Variants in CYFIP1 observed in about 807,000 individuals in gnomAD.
CYFIP1 encodes the protein cytoplasmic FMR1-interacting protein 1.
CYFIP1 carries 58 observed loss-of-function variants against 163.5 expected under a neutral mutation model. The observed-to-expected ratio is 0.35, with a 90% CI of 0.29 to 0.44. The LOEUF is 0.44. CYFIP1 is among the 20% of genes least tolerant of loss of function. The pLI, the probability that CYFIP1 is intolerant of heterozygous loss-of-function variation, is 1.00. For missense variants in CYFIP1, 1,338 were observed against 1,653.8 expected (o/e 0.81, Z 3.31); for synonymous variants, 663 against 660.7 (o/e 1.00, Z -0.05).
At chr15:22,927,791 T>G in intron 12 of CYFIP1, 115 bp downstream of exon 12, 1 of 1,034,088 alleles carries the variant, frequency 9.7e-7, no homozygotes, top group Non-Finnish European at 1.4e-6. Flanking sequence ...TATCTACTGA[T>G]AGATATTCTC....
intron 21 of CYFIP1, among the ~76,000 whole-genome samples, chr15:22,908,777 C>T (rs1595570323): frequency 6.6e-6 from 1 of 151,974 alleles, no homozygotes. Flanking sequence ...GATCCACCCC[C>T]GCAGGCCTCC....
At chr15:22,870,620 C>T (rs138539693) in intron 30 of CYFIP1, among the ~76,000 whole-genome samples, 192 of 152,256 alleles carry the variant, frequency 1.3e-3, no homozygotes, top group African/African-American at 4.4e-3. Context: ...AGCCACATAC[C>T]ATCTCTTTAA....
intron 1 of CYFIP1, among the ~76,000 whole-genome samples, chr15:22,972,352 G>A (rs1304710880): frequency 6.6e-6 from 1 of 152,082 alleles, no homozygotes; most frequent in African/African-American, 2.4e-5. Context: ...CAGGAGAATC[G>A]CTTGAACCCG....
intron 1 of CYFIP1, among the ~76,000 whole-genome samples, chr15:22,972,662 AAAT>A (rs1416598828): frequency 6.6e-6 from 1 of 152,146 alleles, no homozygotes; most frequent in East Asian, 1.9e-4. Flanking sequence ...ACATACAGAA[AAAT>A]AATATCAGAC....
intron 23 of CYFIP1, among the ~76,000 whole-genome samples, chr15:22,892,668 ACG>A (rs1434171246): frequency 2.0e-5 from 3 of 152,226 alleles, no homozygotes; most frequent in Admixed American, 6.5e-5. Context: ...AACACTACGT[ACG>A]CGCTAGTTCT....
chr15:22,944,612 G>A lies in CYFIP1; in HGVS notation c.333C>T (p.Thr111=), dbSNP rs756919870. The A allele has an allele frequency of 1.1e-5, 17 of 1,613,738 alleles. No individual in the cohort carries two copies. Among genetic ancestry groups the A allele is most frequent in the African/African-American group, 2.7e-5 (2 of 74,914 alleles). ...TGACCTCAGGCTCCAGAACCTCCAC[G>A]GTTTTCTCGTAGATTTCCACTCTGT... is the stretch of plus-strand genomic sequence containing the variant. ...QPNRVEIYEK[T]VEVLEPEVTK... is the part of the protein sequence containing the mutation. The change falls in exon 5 of 31, where the codon ACC becomes ACT. Residue 111 remains threonine (T), a synonymous_variant. Coordinates refer to ENST00000617928, the MANE Select transcript of CYFIP1 (RefSeq NM_014608.6).
At chr15:22,941,290 G>A (rs1168226077) in intron 6 of CYFIP1, among the ~76,000 whole-genome samples, 1 of 151,942 alleles carries the variant, frequency 6.6e-6, no homozygotes, top group Non-Finnish European at 1.5e-5. Context: ...TCAAATTCCT[G>A]GGCTCAAGTG....
chr15:22,947,591 C>T (rs945374494), intron 1 of CYFIP1, among the ~76,000 whole-genome samples: 1 of 152,100 alleles, frequency 6.6e-6, no homozygotes, highest in Non-Finnish European at 1.5e-5. Flanking sequence ...ACCATGGGGG[C>T]CGCCGTCCTG....
At chr15:22,893,048 T>A in intron 22 of CYFIP1, 71 bp from the exon 23 acceptor site, 1 of 1,106,270 alleles carries the variant, frequency 9.0e-7, no homozygotes, top group Non-Finnish European at 1.3e-6. Flanking sequence ...TCAGAAGTCC[T>A]CCATAATCCA....
chr15:22,873,830 T>A, intron 28 of CYFIP1, 101 bp from the exon 29 acceptor site: 1 of 1,096,184 alleles, frequency 9.1e-7, no homozygotes, highest in Non-Finnish European at 1.3e-6. Context: ...CTTGCTCTGC[T>A]GCCTAGGCTG....
At chr15:22,889,049 A>C (rs1392872584) in intron 23 of CYFIP1, among the ~76,000 whole-genome samples, 7 of 152,054 alleles carry the variant, frequency 4.6e-5, no homozygotes, top group South Asian at 2.1e-4. Context: ...AAAAAAAAAA[A>C]ACACACAAAA....
chr15:22,918,972 G>A (rs1350668576), intron 13 of CYFIP1, 114 bp from the exon 14 acceptor site: 11 of 804,320 alleles, frequency 1.4e-5, no homozygotes, highest in Admixed American at 2.6e-5. Context: ...ACGCCCTCCC[G>A]CGTTCGTGCC....
chr15:22,959,746 G>A (rs564762508), intron 1 of CYFIP1, among the ~76,000 whole-genome samples: 5 of 152,234 alleles, frequency 3.3e-5, no homozygotes, highest in South Asian at 2.1e-4. Context: ...TGCGGCGCCC[G>A]GCTGAGGAAC....
chr15:22,894,375 C>T (rs1427191262), intron 22 of CYFIP1, among the ~76,000 whole-genome samples: 15 of 149,616 alleles, frequency 1.0e-4, no homozygotes, highest in African/African-American at 2.2e-4. Flanking sequence ...CCACAACCTC[C>T]GCCTTCCGGA....
chr15:22,937,120 AT>A lies in CYFIP1; in HGVS notation c.883del (p.Ile295SerfsTer19). The A allele has an allele frequency of 6.2e-7, 1 of 1,608,546 alleles. No homozygotes were observed. The highest frequency in any genetic ancestry group is 8.5e-7 in the Non-Finnish European group (1 of 1,174,906). On this transcript the variant is annotated frameshift_variant, in exon 9 of 31. Transcript: ENST00000617928. LOFTEE classifies it high-confidence loss of function. ...GTAACTCACCTTGAAGTACTTGTCG[AT>A]TTTGGATAAGTTTATTCTTTTCTTG... ...DAKKRINLSKIDKYFKQLQVV... is the reference protein window; with the variant it reads ...DAKKRINLSKXDKYFKQLQVV...
At chr15:22,948,053 G>A (rs1014027257) in intron 1 of CYFIP1, 19 of 948,470 alleles carry the variant, frequency 2.0e-5, no homozygotes, top group Admixed American at 1.9e-4. Flanking sequence ...AGCAGCAGGT[G>A]GCCTGGAGGA....
At chr15:22,890,794 G>A (rs1207442710) in intron 23 of CYFIP1, among the ~76,000 whole-genome samples, 6 of 123,720 alleles carry the variant, frequency 4.8e-5, no homozygotes, top group African/African-American at 1.8e-4. Flanking sequence ...GGCCGCACCT[G>A]CCAACAGCCT....
intron 18 of CYFIP1, 43 bp downstream of exon 18, chr15:22,912,136 T>C: frequency 1.3e-6 from 2 of 1,505,170 alleles, no homozygotes; most frequent in South Asian, 1.2e-5. Flanking sequence ...AAAGGAGATT[T>C]AATTGAAGGA....
rs761055056 is a variant in CYFIP1, at chr15:22,928,046, G to A, written c.1111-18C>T. 147 of 1,493,862 alleles carry A rather than the reference G, an allele frequency of 9.8e-5. 1 individual carries two copies. The highest frequency in any genetic ancestry group is 7.9e-4 in the South Asian group (61 of 77,470). 92.5% of individuals were successfully genotyped at this position (1,493,862 alleles called of 1,614,324 possible). A position where few individuals can be genotyped will look rare whatever the true frequency, so the allele number is the denominator to read the frequency against. On this transcript the variant is annotated intron_variant, in intron 11 of 30. Coordinates refer to ENST00000617928, the MANE Select transcript of CYFIP1 (RefSeq NM_014608.6). ...GTGACCACCTGCACAAGGCGGGCAC[G>A]GCCCCGTGAGAAACCAGCGCCCCCA...
Sources: gnomAD v4.1 joint callset for allele counts (sites outside exome capture counted in the v4.1 genomes callset) on GRCh38, gnomAD v4.1.1 for gene constraint, MANE v1.5 for transcripts, NCBI Gene and HGNC (gene_info 2026-07-23, HGNC 2026-07-21) for gene names.